The following SOX8 variants were observed in gnomAD, a reference collection of about 807,000 sequenced individuals.
SOX8 encodes SRY-box transcription factor 8.
In SOX8, 9 loss-of-function variants were observed where a neutral mutation model predicts 22.9. The ratio of observed to expected loss-of-function variants is 0.39; its 90% CI spans 0.24 to 0.69. The LOEUF (loss-of-function observed/expected upper bound fraction) is 0.69. Ranked by LOEUF, SOX8 falls within the 30% of genes least tolerant of loss-of-function variation. SOX8 has a pLI of 0.43. For missense variants in SOX8, 734 were observed against 699.4 expected (o/e 1.05, Z -0.56); for synonymous variants, 416 against 330.6 (o/e 1.26, Z -2.80).
intron 1 of SOX8, chr16:983,407 C>T (rs1330053070): frequency 9.0e-6 from 2 of 222,056 alleles, no homozygotes; most frequent in East Asian, 8.8e-5. Flanking sequence ...CCCGCCTCCC[C>T]CGCCTCCCTT....
intron 1 of SOX8, chr16:982,551 G>T: frequency 2.0e-6 from 1 of 492,746 alleles, no homozygotes; most frequent in Non-Finnish European, 3.2e-6. Flanking sequence ...TATGGGAGTC[G>T]GGATCCGCGG....
In SOX8 at chr16:983,750, C is replaced by T. The variant is rs377018696; in HGVS notation, c.445C>T (p.Arg149Trp). ...LWRLLSESEK[R>W]PFVEEAERLR... ...CAGCTTGCTGAGCGAGAGCGAGAAG[C>T]GGCCCTTCGTGGAGGAGGCAGAGCG... Residue 149 changes from arginine (R) to tryptophan (W), a missense_variant, in exon 2 of 3, where the codon CGG (arginine) becomes TGG (tryptophan). By Grantham distance (101) the Arg-to-Trp change is moderately radical (BLOSUM62 -3). This residue lies in a region of SOX8 where 588 missense variants were observed against 568.2 expected (regional missense o/e 1.03). Transcript: ENST00000293894. 3.1e-6 allele frequency: 5 copies of T among 1,612,344 alleles called. No individual in the cohort carries two copies. Among genetic ancestry groups the T allele is most frequent in the African/African-American group, 2.7e-5 (2 of 74,934 alleles).
At chr16:982,551 G>A (rs2073408047) in intron 1 of SOX8, 2 of 492,628 alleles carry the variant, frequency 4.1e-6, no homozygotes, top group African/African-American at 4.0e-5. Context: ...TATGGGAGTC[G>A]GGATCCGCGG....
intron 1 of SOX8, chr16:983,011 G>C: frequency 6.6e-6 from 1 of 152,446 alleles, no homozygotes; most frequent in Non-Finnish European, 1.5e-5. Context: ...AGGACAGGCC[G>C]CCCCCACCGA....
intron 1 of SOX8, chr16:983,073 C>T (rs1256739382): frequency 6.6e-6 from 1 of 152,416 alleles, no homozygotes; most frequent in African/African-American, 2.4e-5. Flanking sequence ...GCTCTGGTTC[C>T]CGTATCCTGC....
In SOX8 at chr16:985,653, C is replaced by G; in HGVS notation, c.*267C>G. On this transcript the variant is annotated 3_prime_UTR_variant, in exon 3 of 3. Coordinates refer to ENST00000293894, the MANE Select transcript of SOX8 (RefSeq NM_014587.5). ...AAGGGCTGCCGTTTGGTCCCTCTTCCGTGAGGACTGGCGGCACCAGCACCT... is the reference window on the plus strand; with the variant it reads ...AAGGGCTGCCGTTTGGTCCCTCTTCGGTGAGGACTGGCGGCACCAGCACCT... 2 of 456,868 alleles carry G rather than the reference C, an allele frequency of 4.4e-6. No individual in the cohort carries two copies. The highest frequency in any genetic ancestry group is 3.6e-5 in the East Asian group (1 of 27,582). 28.3% of individuals were successfully genotyped at this position (456,868 alleles called of 1,614,324 possible).
At chr16:984,275 C>T (rs966722675) in intron 2 of SOX8, among the ~76,000 whole-genome samples, 4 of 152,250 alleles carry the variant, frequency 2.6e-5, no homozygotes, top group African/African-American at 9.6e-5. Context: ...CCACACGGCA[C>T]TCAGCAGCCC....
rs553289788 is a variant in SOX8, at chr16:983,622, G to C, written c.423-106G>C. ...CACGGCAGGCGGGTTTCCCTGGTCA[G>C]AGCCTCCTGGCCCCGGCCTCTGCTG... On this transcript the variant is annotated intron_variant, in intron 1 of 2. Transcript: ENST00000293894. 14 of 1,081,452 alleles carry C rather than the reference G, an allele frequency of 1.3e-5. No individual in the cohort carries two copies. The African/African-American group carries it at 1.9e-4, about 15-fold the overall frequency. 67.0% of individuals were successfully genotyped at this position (1,081,452 alleles called of 1,614,324 possible). A position where few individuals can be genotyped will look rare whatever the true frequency, so the allele number is the denominator to read the frequency against.
chr16:982,279 G>A lies in SOX8; in HGVS notation c.357G>A (p.Lys119=), dbSNP rs1427816222. 1.3e-6 allele frequency: 2 copies of A among 1,523,878 alleles called. No individual in the cohort carries two copies. The highest frequency in any genetic ancestry group is 8.8e-7 in the Non-Finnish European group (1 of 1,137,008). The allele number at this position is 1,523,878 out of a possible 1,614,324, so 94.4% of individuals were successfully genotyped here. A position where few individuals can be genotyped will look rare whatever the true frequency, so the allele number is the denominator to read the frequency against. The change falls in exon 1 of 3, where the codon AAG becomes AAA. Residue 119 remains lysine (K), a synonymous_variant. Coordinates refer to ENST00000293894, the MANE Select transcript of SOX8 (RefSeq NM_014587.5). ...FMVWAQAARR[K]LADQYPHLHN... ...TGTGGGCGCAGGCGGCGCGCCGCAA[G>A]CTGGCCGACCAGTACCCGCACCTGC... is the stretch of plus-strand genomic sequence containing the variant.
intron 1 of SOX8, chr16:982,598 G>A (rs1377656402): frequency 5.2e-6 from 2 of 382,186 alleles, no homozygotes; most frequent in Non-Finnish European, 9.2e-6. Context: ...CGTGGCGGGT[G>A]CGCTCTGGAG....
At chr16:984,638 G>C in intron 2 of SOX8, 63 bp from the exon 3 acceptor site, 1 of 1,126,658 alleles carries the variant, frequency 8.9e-7, no homozygotes, top group Non-Finnish European at 1.2e-6. Context: ...CTTCCAGCCT[G>C]GCCGGCCCCA....
chr16:982,233 G>A lies in SOX8; in HGVS notation c.311G>A (p.Arg104Gln). 1 of 1,550,900 alleles carries A rather than the reference G, an allele frequency of 6.4e-7. No individual in the cohort carries two copies. The highest frequency in any genetic ancestry group is 8.6e-7 in the Non-Finnish European group (1 of 1,156,080). ...CTCAAAGCCAAGCCGCATGTGAAGC[G>A]GCCCATGAACGCATTCATGGTGTGG... ...GALKAKPHVK[R>Q]PMNAFMVWAQ... Residue 104 changes from arginine (R) to glutamine (Q), a missense_variant, in exon 1 of 3, where the codon CGG becomes CAG. By Grantham distance (43) the Arg-to-Gln change is conservative (BLOSUM62 1). Transcript: ENST00000293894.
Position 982,017 on chromosome 16 carries a change from C to T in SOX8, c.95C>T (p.Ala32Val). ...CACGTGGAGGACTCGGACTCGGACG[C>T]GCCGCCGTCTCCCGCCGGCTCCGAG... ...MSHVEDSDSD[A>V]PPSPAGSEGL... The change falls in exon 1 of 3, where the codon GCG becomes GTG. Residue 32 changes from alanine (A) to valine (V), a missense_variant. Physicochemically the swap from Ala to Val is moderately conservative, Grantham distance 64. This residue lies in a region of SOX8 where 139 missense variants were observed against 109.1 expected (regional missense o/e 1.27). Transcript: ENST00000293894. The T allele has an allele frequency of 7.1e-7, 1 of 1,402,418 alleles. No homozygotes were observed. The highest frequency in any genetic ancestry group is 9.3e-7 in the Non-Finnish European group (1 of 1,077,534). The allele number at this position is 1,402,418 out of a possible 1,614,324, so 86.9% of individuals were successfully genotyped here. A position where few individuals can be genotyped will look rare whatever the true frequency, so the allele number is the denominator to read the frequency against.
At chr16:983,333 G>T (rs1468517307) in intron 1 of SOX8, 2 of 163,188 alleles carry the variant, frequency 1.2e-5, no homozygotes, top group Non-Finnish European at 2.6e-5. Context: ...CAGCCCAGCT[G>T]CCCGCCGAAG....
In SOX8 at chr16:982,068, T is replaced by TG; in HGVS notation, c.152dup (p.Ala52ArgfsTer154). On this transcript the variant is annotated frameshift_variant, in exon 1 of 3. Transcript: ENST00000293894. LOFTEE classifies it high-confidence loss of function. ...GGCCTGGGCCGCGCGGGGGTCGCGG[T>TG]GGGGGGCGCCCGGGGCGACCCGGCG... 3 of 1,294,962 alleles carry TG rather than the reference T, an allele frequency of 2.3e-6. No individual in the cohort carries two copies. The highest frequency in any genetic ancestry group is 2.9e-6 in the Non-Finnish European group (3 of 1,031,072). The allele number at this position is 1,294,962 out of a possible 1,614,324, so 80.2% of individuals were successfully genotyped here.
At chr16:983,204 C>G (rs141760206) in intron 1 of SOX8, 1 of 152,544 alleles carries the variant, frequency 6.6e-6, no homozygotes, top group Non-Finnish European at 1.5e-5. Flanking sequence ...CAAGTCCTGC[C>G]GCACAGGCGG....
Position 981,802 on chromosome 16 carries a change from G to GCGCTCAAAGCCAAGCCGCATGTGAA in SOX8, c.-121_-120insCGCTCAAAGCCAAGCCGCATGTGAA. On this transcript the variant is annotated 5_prime_UTR_variant, in exon 1 of 3. It adds an upstream start codon to the 5' untranslated region. Transcript: ENST00000293894. The stretch of plus-strand genomic sequence containing the variant: ...GAGCCTCGGCGGCGGCGGCGGCGGC[G>GCGCTCAAAGCCAAGCCGCATGTGAA]GCAGGGGCGAGGGTCGGGGCCACCG... The GCGCTCAAAGCCAAGCCGCATGTGAA allele has an allele frequency of 2.6e-6, 1 of 388,730 alleles. No homozygotes were observed. The highest frequency in any genetic ancestry group is 3.5e-6 in the Non-Finnish European group (1 of 282,612). The allele number at this position is 388,730 out of a possible 1,614,324, so 24.1% of individuals were successfully genotyped here.
chr16:982,353 C>G lies in SOX8; in HGVS notation c.422+9C>G, dbSNP rs201672745. Reference sequence around the variant, plus strand: ...CTGGGCAAGCTGTGGCGGTGAGTGCCGGCGCCCCGGGGGCGGGGTTCGGGA... The same window carrying G: ...CTGGGCAAGCTGTGGCGGTGAGTGCGGGCGCCCCGGGGGCGGGGTTCGGGA... On this transcript the variant is annotated intron_variant, in intron 1 of 2. Transcript: ENST00000293894. The G allele has an allele frequency of 5.3e-4, 716 of 1,347,834 alleles. 5 individuals carry two copies. In the African/African-American group the frequency reaches 1.0e-2, roughly 19 times the overall value. 83.5% of individuals were successfully genotyped at this position (1,347,834 alleles called of 1,614,324 possible). A position where few individuals can be genotyped will look rare whatever the true frequency, so the allele number is the denominator to read the frequency against.
rs1268997374 is a variant in SOX8 at position 985,124 on chromosome 16, C to T, written c.1079C>T (p.Ser360Phe). 3.8e-6 allele frequency: 6 copies of T among 1,599,112 alleles called. No homozygotes were observed. Among genetic ancestry groups the T allele is most frequent in the African/African-American group, 1.3e-5 (1 of 74,644 alleles). ...DQPRGSPDYG[S>F]CSGQSSATPA... The stretch of plus-strand genomic sequence containing the variant: ...CCCCGAGGCTCGCCCGACTACGGTT[C>T]CTGCAGCGGCCAGTCCAGCGCCACC... Residue 360 changes from serine (S) to phenylalanine (F), a missense_variant, in exon 3 of 3, where the codon TCC (serine) becomes TTC (phenylalanine). By Grantham distance (155) the Ser-to-Phe change is radical (BLOSUM62 -2). Around this residue, in one of 3 missense-constraint regions of SOX8, gnomAD observed 588 missense variants for 568.2 expected, o/e 1.03. Coordinates refer to ENST00000293894, the MANE Select transcript of SOX8 (RefSeq NM_014587.5).
Sources: gnomAD v4.1 joint callset for allele counts (sites outside exome capture counted in the v4.1 genomes callset) on GRCh38, gnomAD v4.1.1 for gene constraint, gnomAD v4.1.1 regional missense constraint, MANE v1.5 for transcripts, NCBI Gene and HGNC (gene_info 2026-07-23, HGNC 2026-07-21) for gene names.